The following GNB1L variants were observed in gnomAD, a reference collection of about 807,000 sequenced individuals.
The protein encoded by GNB1L is G protein subunit beta 1 like.
Under a neutral mutation model 29.1 loss-of-function variants are expected in GNB1L, and 20 were observed. That is an observed-to-expected ratio of 0.69 (90% CI 0.48 to 1.00). The LOEUF is 1.00. Ranked by LOEUF, GNB1L falls within the 50% of genes least tolerant of loss-of-function variation. The pLI, the probability that GNB1L is intolerant of heterozygous loss-of-function variation, is 0.00. For synonymous variants in GNB1L, 193 were observed against 206.5 expected (o/e 0.93, Z 0.56); for missense variants, 421 against 464.9 (o/e 0.91, Z 0.87).
chr22:19,828,565 G>A (rs1424495673), intron 2 of GNB1L, among the ~76,000 whole-genome samples: 1 of 152,030 alleles, frequency 6.6e-6, no homozygotes. Flanking sequence ...AGAACTGCTT[G>A]AGCCCAGGAG....
chr22:19,789,975 G>T (rs112073303), intron 7 of GNB1L, among the ~76,000 whole-genome samples: 1,845 of 152,338 alleles, frequency 0.012, 46 homozygotes, highest in African/African-American at 0.042. Context: ...CAGCCACAGG[G>T]TGCCAAGGGA....
At position 19,810,624 on chromosome 22, in the gene GNB1L, G is replaced by A. The variant is rs570166886; in HGVS notation, c.417+1661C>T. Reference sequence around the variant, plus strand: ...TCCTACAGACACCCATGAGCTTTCCGCCTGGCACCTGACTGCAACTTTTGT... The same window carrying A: ...TCCTACAGACACCCATGAGCTTTCCACCTGGCACCTGACTGCAACTTTTGT... On this transcript the variant is annotated intron_variant, in intron 5 of 7. Coordinates refer to ENST00000329517, the MANE Select transcript of GNB1L (RefSeq NM_053004.3). 5.3e-5 allele frequency among the ~76,000 whole-genome samples: 8 copies of A among 152,260 alleles called. No homozygotes were observed. In the East Asian group the frequency reaches 7.7e-4, roughly 15 times the overall value.
chr22:19,851,657 T>A, intron 2 of GNB1L: 1 of 1,594,628 alleles, frequency 6.3e-7, no homozygotes, highest in Non-Finnish European at 8.6e-7. Context: ...CACTGGCAGC[T>A]GGCTGGAGGC....
intron 2 of GNB1L, among the ~76,000 whole-genome samples, chr22:19,828,585 G>T (rs117246610): frequency 0.013 from 2,036 of 152,052 alleles, 27 homozygotes; most frequent in Middle Eastern, 0.024. Context: ...GTTTGAGGCT[G>T]CAGTGAGCCA....
intron 4 of GNB1L, among the ~76,000 whole-genome samples, chr22:19,815,761 T>C (rs562199520): frequency 4.9e-4 from 74 of 152,184 alleles, no homozygotes; most frequent in African/African-American, 1.7e-3. Flanking sequence ...TTTGTATTTT[T>C]TGTAGAGACG....
At position 19,784,168 on chromosome 22, in the gene GNB1L, G is replaced by A. The variant is rs1937170005; in HGVS notation, c.*4541C>T. 1 of 152,212 alleles carries A rather than the reference G, an allele frequency of 6.6e-6. No individual in the cohort carries two copies. Among genetic ancestry groups the A allele is most frequent in the South Asian group, 2.1e-4 (1 of 4,830 alleles). 9.4% of individuals were successfully genotyped at this position (152,212 alleles called of 1,614,324 possible). On this transcript the variant is annotated 3_prime_UTR_variant, in exon 8 of 8. Coordinates refer to ENST00000329517, the MANE Select transcript of GNB1L (RefSeq NM_053004.3). ...AAGCATTTCTAAAGAACCCCCGGAG[G>A]GTTGTTTTTCTTTGTGCAAACACTC...
chr22:19,852,042 C>T (rs141688112), intron 2 of GNB1L: 107 of 1,614,076 alleles, frequency 6.6e-5, no homozygotes, highest in East Asian at 1.8e-4. Flanking sequence ...GCAGGTTTAC[C>T]GCCACAAGTG....
At chr22:19,807,817 A>T (rs1438266755) in intron 5 of GNB1L, among the ~76,000 whole-genome samples, 1 of 152,122 alleles carries the variant, frequency 6.6e-6, no homozygotes, top group Non-Finnish European at 1.5e-5. Flanking sequence ...GTGGGTGAGA[A>T]GCTTGCTGCC....
At chr22:19,826,008 C>A (rs1012718140) in intron 2 of GNB1L, among the ~76,000 whole-genome samples, 3 of 151,914 alleles carry the variant, frequency 2.0e-5, no homozygotes, top group Non-Finnish European at 2.9e-5. Flanking sequence ...ACTAAGTTGA[C>A]AAAAAAAAGT....
intron 4 of GNB1L, among the ~76,000 whole-genome samples, chr22:19,815,394 A>G (rs908936845): frequency 2.6e-5 from 4 of 152,180 alleles, no homozygotes; most frequent in African/African-American, 9.7e-5. Flanking sequence ...AGACGTGCAC[A>G]GCCCCCGTGG....
intron 5 of GNB1L, among the ~76,000 whole-genome samples, chr22:19,809,642 C>T (rs949372154): frequency 6.6e-6 from 1 of 152,214 alleles, no homozygotes; most frequent in Admixed American, 6.5e-5. Context: ...GTCAAAGCCT[C>T]ACAGCCTGCC....
chr22:19,809,199 C>T (rs369639922), intron 5 of GNB1L, among the ~76,000 whole-genome samples: 3 of 151,404 alleles, frequency 2.0e-5, no homozygotes, highest in Admixed American at 6.6e-5. Flanking sequence ...AGTGGCTGGA[C>T]GTTGAGAGGA....
At chr22:19,843,567 C>A (rs893170437) in intron 2 of GNB1L, among the ~76,000 whole-genome samples, 1 of 152,194 alleles carries the variant, frequency 6.6e-6, no homozygotes, top group African/African-American at 2.4e-5. Flanking sequence ...CCCAAGAACT[C>A]CTTCCCTTGG....
rs1284225501 is a variant in GNB1L at position 19,787,694 on chromosome 22, A to G, written c.*1015T>C. 1.3e-5 allele frequency: 2 copies of G among 152,298 alleles called. No individual in the cohort carries two copies. Among genetic ancestry groups the G allele is most frequent in the Non-Finnish European group, 2.9e-5 (2 of 68,086 alleles). 9.4% of individuals were successfully genotyped at this position (152,298 alleles called of 1,614,324 possible). ...TTCAGCTAGAGGGGCTCTTCCGGCA[A>G]TCCGGGCAGACACAGGCGTGTGTGG... On this transcript the variant is annotated 3_prime_UTR_variant, in exon 8 of 8. Transcript: ENST00000329517.
chr22:19,850,721 G>A, intron 2 of GNB1L: 4 of 1,236,910 alleles, frequency 3.2e-6, no homozygotes, highest in Non-Finnish European at 4.0e-6. Flanking sequence ...TAGGGGGACA[G>A]ACACAGAAAC....
At chr22:19,842,606 G>A (rs1222196045) in intron 2 of GNB1L, among the ~76,000 whole-genome samples, 1 of 152,252 alleles carries the variant, frequency 6.6e-6, no homozygotes, top group African/African-American at 2.4e-5. Context: ...GACCTGCCAG[G>A]GAGGGCTGCA....
intron 2 of GNB1L, chr22:19,847,173 A>G (rs1486451781): frequency 1.0e-6 from 1 of 985,332 alleles, no homozygotes; most frequent in Non-Finnish European, 1.2e-6. Context: ...GCATGGAGAA[A>G]TATGTCCAGG....
At chr22:19,821,623 G>A (rs1017110645) in intron 2 of GNB1L, among the ~76,000 whole-genome samples, 1 of 152,164 alleles carries the variant, frequency 6.6e-6, no homozygotes, top group African/African-American at 2.4e-5. Context: ...CCACTGCTGG[G>A]GGAACTGGGA....
At chr22:19,808,788 C>T (rs1321786548) in intron 5 of GNB1L, among the ~76,000 whole-genome samples, 1 of 152,216 alleles carries the variant, frequency 6.6e-6, no homozygotes, top group Non-Finnish European at 1.5e-5. Flanking sequence ...GGGCGGCCTG[C>T]AAGGACCAGA....
Sources: gnomAD v4.1 joint callset for allele counts (sites outside exome capture counted in the v4.1 genomes callset) on GRCh38, gnomAD v4.1.1 for gene constraint, MANE v1.5 for transcripts, NCBI Gene and HGNC (gene_info 2026-07-23, HGNC 2026-07-21) for gene names.